The following P3H1 variants were observed in gnomAD, a reference collection of about 807,000 sequenced individuals.
The protein encoded by P3H1 is prolyl 3-hydroxylase 1.
In P3H1, 69 loss-of-function variants were observed where a neutral mutation model predicts 84.0. The ratio of observed to expected loss-of-function variants is 0.82; its 90% CI spans 0.68 to 1.00. The LOEUF is 1.00. Ranked by LOEUF, P3H1 falls within the 50% of genes least tolerant of loss-of-function variation. P3H1 has a pLI of 0.00. For missense variants in P3H1, 878 were observed against 962.8 expected, an observed-to-expected ratio of 0.91 and a Z score of 1.17; for synonymous variants, 366 against 388.8, an observed-to-expected ratio of 0.94 and a Z score of 0.69.
intron 11 of P3H1, among the ~76,000 whole-genome samples, chr1:42,749,277 A>G (rs1651902519): frequency 6.6e-6 from 1 of 152,246 alleles, no homozygotes; most frequent in Non-Finnish European, 1.5e-5. Flanking sequence ...AGATTGTGAC[A>G]GAATTCCAAA....
At chr1:42,766,338 G>T (rs774707080) in intron 1 of P3H1, among the ~76,000 whole-genome samples, 169 bp downstream of exon 1, 2 of 152,176 alleles carry the variant, frequency 1.3e-5, no homozygotes, top group Admixed American at 1.3e-4. Flanking sequence ...GGCGAGGAAG[G>T]TCTCCTGCCA....
At chr1:42,755,494 T>C (rs1445948417) in intron 6 of P3H1, 54 bp downstream of exon 6, 3 of 1,429,120 alleles carry the variant, frequency 2.1e-6, no homozygotes, top group African/African-American at 1.4e-5. Context: ...TCCCCATTCA[T>C]CTCTCCTGCT....
At chr1:42,747,964 A>G (rs1651825254) in intron 12 of P3H1, among the ~76,000 whole-genome samples, 166 bp from the exon 13 acceptor site, 1 of 151,692 alleles carries the variant, frequency 6.6e-6, no homozygotes, top group Non-Finnish European at 1.5e-5. Context: ...TCCACTCTCC[A>G]CCCTCGCCTT....
intron 4 of P3H1, 166 bp from the exon 5 acceptor site, chr1:42,758,088 G>A: frequency 1.4e-6 from 1 of 737,490 alleles, no homozygotes; most frequent in Non-Finnish European, 2.5e-6. Flanking sequence ...TCAGGGGCAG[G>A]AGTTAAGTAA....
At chr1:42,766,474 AC>A in intron 1 of P3H1, 32 bp downstream of exon 1, 1 of 1,552,128 alleles carries the variant, frequency 6.4e-7, no homozygotes, top group African/African-American at 1.4e-5. Context: ...CCCCAGAAGG[AC>A]CCCGGCCGCC....
chr1:42,760,146 G>T (rs1263138405), intron 2 of P3H1: 2 of 152,176 alleles, frequency 1.3e-5, no homozygotes, highest in Non-Finnish European at 2.9e-5. Flanking sequence ...CACCACGCCT[G>T]GCTAATTTTG....
rs763732280 is a variant in P3H1, at chr1:42,766,640, C to T, written c.332G>A (p.Gly111Glu). Residue 111 changes from glycine (G) to glutamate (E), a missense_variant, in exon 1 of 15, where the codon GGG becomes GAG. Physicochemically the swap from Gly to Glu is moderately conservative, Grantham distance 98. Coordinates refer to ENST00000296388, the MANE Select transcript of P3H1 (RefSeq NM_022356.4). ...AAALRDLSFF[G>E]GLLRRAACLR... ...GCAGGCAGCGCGACGCAGAAGGCCC[C>T]CGAAGAAGCTCAGGTCGCGCAGGGC... 2 of 1,586,114 alleles carry T rather than the reference C, an allele frequency of 1.3e-6. No individual in the cohort carries two copies. The highest frequency in any genetic ancestry group is 1.7e-6 in the Non-Finnish European group (2 of 1,166,630).
intron 10 of P3H1, among the ~76,000 whole-genome samples, chr1:42,750,743 C>G: frequency 7.0e-6 from 1 of 142,598 alleles, no homozygotes; most frequent in Non-Finnish European, 1.5e-5. Flanking sequence ...AGGTGAGGGG[C>G]GCCTCTGCCC....
intron 11 of P3H1, chr1:42,748,610 A>C (rs988454155): frequency 9.5e-6 from 4 of 422,304 alleles, no homozygotes; most frequent in South Asian, 8.3e-5. Context: ...GACTTTACAA[A>C]ATACAAAGGC....
intron 11 of P3H1, chr1:42,749,828 T>C (rs1456782147): frequency 3.9e-6 from 1 of 254,448 alleles, no homozygotes; most frequent in South Asian, 6.0e-5. Flanking sequence ...TTTCAACAGA[T>C]GGCAGCGAGG....
At chr1:42,755,139 C>G (rs754126235) in intron 7 of P3H1, 26 bp downstream of exon 7, 19 of 1,613,612 alleles carry the variant, frequency 1.2e-5, no homozygotes, top group Admixed American at 3.3e-5. Flanking sequence ...ACTGATCCAA[C>G]CATGCAGTTT....
chr1:42,746,692 C>A lies in P3H1; in HGVS notation c.*5G>T, dbSNP rs994709040. ...TAGTCACCCATCCGTCTGACCTGGA[C>A]GCTGTCATAGCTCATCCTTGGGCTT... is the stretch of plus-strand genomic sequence containing the variant. On this transcript the variant is annotated 3_prime_UTR_variant, in exon 15 of 15. Transcript: ENST00000296388. 1 of 1,549,618 alleles carries A rather than the reference C, an allele frequency of 6.5e-7. No individual in the cohort carries two copies. Among genetic ancestry groups the A allele is most frequent in the African/African-American group, 1.4e-5 (1 of 73,010 alleles).
intron 10 of P3H1, among the ~76,000 whole-genome samples, chr1:42,750,869 C>T (rs1457325116): frequency 1.0e-4 from 15 of 149,304 alleles, no homozygotes; most frequent in Non-Finnish European, 1.9e-4. Flanking sequence ...AGGTGAGGGG[C>T]GCCTCTGCCC....
chr1:42,750,219 A>T lies in P3H1; in HGVS notation c.1687T>A (p.Tyr563Asn). The change falls in exon 11 of 15, where the codon TAC (tyrosine) becomes AAC (asparagine). Residue 563 changes from tyrosine (Y) to asparagine (N), a missense_variant. Physicochemically the swap from Tyr to Asn is moderately radical, Grantham distance 143. Coordinates refer to ENST00000296388, the MANE Select transcript of P3H1 (RefSeq NM_022356.4). ...GCAGTGCGGCACACCAGATGAGAGT[A>T]GGAAAAGTAGAGGGGCGTATCCAGG... ...FRLDTPLYFS[Y>N]SHLVCRTAIE... 6.2e-7 allele frequency: 1 copy of T among 1,613,604 alleles called. No homozygotes were observed. The highest frequency in any genetic ancestry group is 1.3e-5 in the African/African-American group (1 of 74,998).
intron 1 of P3H1, among the ~76,000 whole-genome samples, 178 bp downstream of exon 1, chr1:42,766,329 G>A (rs551378216): frequency 6.6e-6 from 1 of 152,296 alleles, no homozygotes; most frequent in Admixed American, 6.5e-5. Flanking sequence ...TGCGAACTGG[G>A]CGAGGAAGGT....
At chr1:42,750,976 C>T (rs2124100347) in intron 10 of P3H1, among the ~76,000 whole-genome samples, 1 of 116,010 alleles carries the variant, frequency 8.6e-6, no homozygotes, top group African/African-American at 3.3e-5. Context: ...GGCCAGCCGC[C>T]CCATCCGGGA....
intron 12 of P3H1, 77 bp downstream of exon 12, chr1:42,748,123 G>C: frequency 9.7e-7 from 1 of 1,035,004 alleles, no homozygotes; most frequent in Non-Finnish European, 1.5e-6. Flanking sequence ...GCTAGGGTGG[G>C]GTAGTAGAGT....
Position 42,759,239 on chromosome 1 carries a change from T to A in P3H1, c.770A>T (p.Tyr257Phe). The change falls in exon 3 of 15, where the codon TAC (tyrosine) becomes TTC (phenylalanine). Residue 257 changes from tyrosine (Y) to phenylalanine (F), a missense_variant. By Grantham distance (22) the Tyr-to-Phe change is conservative. Coordinates refer to ENST00000296388, the MANE Select transcript of P3H1 (RefSeq NM_022356.4). ...GAAGAGGTCAGCGTTGTACTCAAGG[T>A]AGTTGTAGCCATCGTAGTCATAGGG... ...EGPYDYDGYN[Y>F]LEYNADLFQA... is the part of the protein sequence containing the mutation. 1 of 1,614,132 alleles carries A rather than the reference T, an allele frequency of 6.2e-7. No homozygotes were observed. The highest frequency in any genetic ancestry group is 1.3e-5 in the African/African-American group (1 of 75,016).
intron 14 of P3H1, 38 bp from the exon 15 acceptor site, chr1:42,746,890 C>T (rs924220640): frequency 6.2e-6 from 10 of 1,614,154 alleles, no homozygotes; most frequent in Non-Finnish European, 6.8e-6. Context: ...GAGAGGCCTC[C>T]GCTCCAGACA....
Sources: gnomAD v4.1 joint callset for allele counts (sites outside exome capture counted in the v4.1 genomes callset) on GRCh38, gnomAD v4.1.1 for gene constraint, MANE v1.5 for transcripts, NCBI Gene and HGNC (gene_info 2026-07-23, HGNC 2026-07-21) for gene names.